Variants in FLT3 observed in about 807,000 individuals in gnomAD.
FLT3 encodes receptor-type tyrosine-protein kinase FLT3.
Under a neutral mutation model 126.6 loss-of-function variants are expected in FLT3, and 46 were observed. That is an observed-to-expected ratio of 0.36 (90% CI 0.29 to 0.46). The LOEUF (loss-of-function observed/expected upper bound fraction) is 0.46. Ranked by LOEUF, FLT3 falls within the 20% of genes least tolerant of loss-of-function variation. FLT3 has a pLI of 1.00. For missense variants in FLT3, 1,069 were observed against 1,190.3 expected (o/e 0.90, Z 1.50); for synonymous variants, 404 against 434.4 (o/e 0.93, Z 0.87).
chr13:28,019,437 A>C (rs981952760), intron 19 of FLT3, among the ~76,000 whole-genome samples: 1 of 152,240 alleles, frequency 6.6e-6, no homozygotes, highest in African/African-American at 2.4e-5. Context: ...GGGGTCTGAC[A>C]AGAAAATGAA....
rs983495728 is a variant in FLT3 at position 28,077,103 on chromosome 13, A to G, written c.44-6491T>C. 2.8e-5 allele frequency among the ~76,000 whole-genome samples: 4 copies of G among 141,230 alleles called. 1 individual carries two copies. The highest frequency in any genetic ancestry group is 4.4e-4 in the East Asian group (2 of 4,590). 92.7% of individuals were successfully genotyped at this position (141,230 alleles called of 152,430 possible). On this transcript the variant is annotated intron_variant, in intron 1 of 23. Transcript: ENST00000241453. ...AGAAAGAAAGAAAAAGAGAAAAAGAAAGAGAGAGAGAAAGAAAGAGAAAAG... is the reference window on the plus strand; with the variant it reads ...AGAAAGAAAGAAAAAGAGAAAAAGAGAGAGAGAGAGAAAGAAAGAGAAAAG...
chr13:28,037,510 A>G (rs1873943849), intron 9 of FLT3, among the ~76,000 whole-genome samples: 1 of 152,206 alleles, frequency 6.6e-6, no homozygotes, highest in Non-Finnish European at 1.5e-5. Flanking sequence ...GCTTGTTACA[A>G]TTGCAAGATT....
chr13:28,041,628 G>A (rs1250056793), intron 9 of FLT3, among the ~76,000 whole-genome samples: 1 of 152,190 alleles, frequency 6.6e-6, no homozygotes, highest in African/African-American at 2.4e-5. Context: ...TCATGCTTAT[G>A]ACAGTTAACC....
chr13:28,079,038 C>T (rs892165481), intron 1 of FLT3, among the ~76,000 whole-genome samples: 8 of 152,050 alleles, frequency 5.3e-5, no homozygotes, highest in Non-Finnish European at 7.4e-5. Flanking sequence ...ATTGCATAAT[C>T]CTGCTGCAAA....
chr13:28,035,760 T>G (rs1011019948), intron 11 of FLT3, 87 bp from the exon 12 acceptor site: 2 of 1,378,606 alleles, frequency 1.5e-6, no homozygotes, highest in African/African-American at 2.9e-5. Flanking sequence ...CTAAAAGAGA[T>G]TCATCCAGTA....
At chr13:28,012,032 G>A (rs1871436514) in intron 23 of FLT3, among the ~76,000 whole-genome samples, 2 of 152,078 alleles carry the variant, frequency 1.3e-5, no homozygotes, top group African/African-American at 2.4e-5. Context: ...GACCTCAAGT[G>A]ATCCGCCCAC....
At chr13:28,004,559 C>T (rs1005440536) in intron 23 of FLT3, among the ~76,000 whole-genome samples, 5 of 152,108 alleles carry the variant, frequency 3.3e-5, no homozygotes, top group Non-Finnish European at 2.9e-5. Context: ...CACACCACCC[C>T]GGCCTCCCAA....
intron 1 of FLT3, among the ~76,000 whole-genome samples, chr13:28,099,379 C>T (rs2137841831): frequency 6.6e-6 from 1 of 152,320 alleles, no homozygotes; most frequent in African/African-American, 2.4e-5. Context: ...CTTTGTTTTT[C>T]AACTCTTTTC....
intron 1 of FLT3, among the ~76,000 whole-genome samples, chr13:28,082,260 C>G (rs991622472): frequency 4.6e-5 from 7 of 152,052 alleles, no homozygotes; most frequent in Non-Finnish European, 8.8e-5. Flanking sequence ...AAACAGTTTT[C>G]CCACCTCAGC....
Position 28,100,313 on chromosome 13 carries a change from G to T in FLT3, c.43+155C>A, listed in dbSNP as rs1167875358. 2.0e-5 allele frequency among the ~76,000 whole-genome samples: 3 copies of T among 152,034 alleles called. No homozygotes were observed. The highest frequency in any genetic ancestry group is 4.4e-5 in the Non-Finnish European group (3 of 68,006). ...GGCAAGTAGTGGGCGAGTCCGGAGGGCGCGAAAGAGGGGAGGGGCGCGGGA... is the reference window on the plus strand; with the variant it reads ...GGCAAGTAGTGGGCGAGTCCGGAGGTCGCGAAAGAGGGGAGGGGCGCGGGA... On this transcript the variant is annotated intron_variant, in intron 1 of 23. Transcript: ENST00000241453. The surrounding 1 kb of genome is among the most constrained non-coding windows in gnomAD (Gnocchi z 4.8).
intron 1 of FLT3, among the ~76,000 whole-genome samples, chr13:28,079,184 T>C (rs1593295887): frequency 1.3e-5 from 2 of 152,212 alleles, no homozygotes; most frequent in East Asian, 3.8e-4. Context: ...AAGTTCAAAG[T>C]TCCACAAATC....
Position 28,050,237 on chromosome 13 carries a change from G to T in FLT3, c.615-15C>A, listed in dbSNP as rs80133756. On this transcript the variant is annotated splice_polypyrimidine_tract_variant and intron_variant, in intron 5 of 23. Coordinates refer to ENST00000241453, the MANE Select transcript of FLT3 (RefSeq NM_004119.3). ...CTTCTTTACAGCTGCAATTAGAAAAGAAGTACCATTTGGCTAAACAAGTTT... is the reference window on the plus strand; with the variant it reads ...CTTCTTTACAGCTGCAATTAGAAAATAAGTACCATTTGGCTAAACAAGTTT... The T allele has an allele frequency of 8.2e-3, 13,163 of 1,613,096 alleles. 899 individuals carry two copies. In the African/African-American group the frequency reaches 0.15, roughly 18 times the overall value.
intron 18 of FLT3, among the ~76,000 whole-genome samples, chr13:28,024,030 G>A (rs1872612988): frequency 6.6e-6 from 1 of 152,024 alleles, no homozygotes; most frequent in African/African-American, 2.4e-5. Flanking sequence ...CAAAGTGGTG[G>A]GATTACAGGC....
At chr13:28,013,057 A>G (rs1261577740) in intron 23 of FLT3, among the ~76,000 whole-genome samples, 2 of 152,196 alleles carry the variant, frequency 1.3e-5, no homozygotes, top group Admixed American at 6.5e-5. Context: ...TGTCATGAAC[A>G]GTTTATAGGT....
At chr13:28,009,234 C>G (rs1250069688) in intron 23 of FLT3, 1 of 152,166 alleles carries the variant, frequency 6.6e-6, no homozygotes, top group Non-Finnish European at 1.5e-5. Flanking sequence ...ATTTTCTTCC[C>G]CTGTACTGAA....
chr13:28,049,811 G>C, intron 6 of FLT3, 37 bp from the exon 7 acceptor site: 1 of 1,514,322 alleles, frequency 6.6e-7, no homozygotes, highest in South Asian at 1.2e-5. Context: ...GAAAAAAAAA[G>C]TGATTTTTGC....
chr13:28,041,516 G>T (rs1386196035), intron 9 of FLT3, among the ~76,000 whole-genome samples: 1 of 152,214 alleles, frequency 6.6e-6, no homozygotes, highest in East Asian at 1.9e-4. Context: ...GATAGCACTT[G>T]AAACATTTTT....
At chr13:28,027,323 T>C in intron 16 of FLT3, 82 bp from the exon 17 acceptor site, 3 of 1,115,260 alleles carry the variant, frequency 2.7e-6, no homozygotes, top group Non-Finnish European at 1.3e-6. Flanking sequence ...CAACATACTC[T>C]TAGGAGGGCT....
At chr13:28,010,544 T>C (rs1398093903) in intron 23 of FLT3, among the ~76,000 whole-genome samples, 1 of 152,248 alleles carries the variant, frequency 6.6e-6, no homozygotes, top group Non-Finnish European at 1.5e-5. Context: ...GGTTCACCAC[T>C]GTCTAAATGC....
Sources: gnomAD v4.1 joint callset for allele counts (sites outside exome capture counted in the v4.1 genomes callset) on GRCh38, gnomAD v4.1.1 for gene constraint, Gnocchi (gnomAD v3.1) non-coding constraint, MANE v1.5 for transcripts, NCBI Gene and HGNC (gene_info 2026-07-23, HGNC 2026-07-21) for gene names.